Variants in SNX24 observed in about 807,000 individuals in gnomAD.
The protein encoded by SNX24 is sorting nexin-24.
SNX24 carries 22 observed loss-of-function variants against 28.7 expected under a neutral mutation model. That is an observed-to-expected ratio of 0.77 (90% CI 0.55 to 1.10). The LOEUF (loss-of-function observed/expected upper bound fraction) is 1.10. Ranked by LOEUF, SNX24 falls within the 50% of genes least tolerant of loss-of-function variation. The pLI is 0.00. For synonymous variants in SNX24, 69 were observed against 71.5 expected, an observed-to-expected ratio of 0.96 and a Z score of 0.18; for missense variants, 221 against 201.1, an observed-to-expected ratio of 1.10 and a Z score of -0.60.
In SNX24 at chr5:123,029,068, T is replaced by C. The variant is rs561638062; in HGVS notation, n.384-170T>C. 41 of 846,212 alleles carry C rather than the reference T, an allele frequency of 4.8e-5. No individual in the cohort carries two copies. In the African/African-American group the frequency reaches 6.2e-4, roughly 13 times the overall value. The allele number at this position is 846,212 out of a possible 1,614,324, so 52.4% of individuals were successfully genotyped here. ...ATATGTTATGGAAGTAGAGTATTAATGTGAATAAGTTAAAAGAGAGCAAAC... is the reference window on the plus strand; with the variant it reads ...ATATGTTATGGAAGTAGAGTATTAACGTGAATAAGTTAAAAGAGAGCAAAC... On this transcript the variant is annotated intron_variant and non_coding_transcript_variant, in intron 5 of 5. Transcript: ENST00000502387.
chr5:122,916,746 C>T (rs545396045), intron 1 of SNX24, among the ~76,000 whole-genome samples: 35 of 152,168 alleles, frequency 2.3e-4, no homozygotes, highest in Non-Finnish European at 4.1e-4. Flanking sequence ...TGACCAGAGA[C>T]TAGGTTGAAT....
At position 122,980,507 on chromosome 5, in the gene SNX24, CT is replaced by C. The variant is rs1581827461; in HGVS notation, c.250-19402del. On this transcript the variant is annotated intron_variant, in intron 3 of 6. Coordinates refer to ENST00000261369, the MANE Select transcript of SNX24 (RefSeq NM_014035.4). The stretch of plus-strand genomic sequence containing the variant: ...GAGTTTGGGGTTGAAATTTAATTTA[CT>C]TTCTTCTATAACAAAATGAAGTTGC... Among the ~76,000 whole-genome samples, 3 of 152,030 alleles carry C rather than the reference CT, an allele frequency of 2.0e-5. No individual in the cohort carries two copies. The East Asian group carries it at 5.8e-4, about 29-fold the overall frequency.
At chr5:122,891,125 G>T in intron 1 of SNX24, 2 of 1,490,164 alleles carry the variant, frequency 1.3e-6, no homozygotes, top group South Asian at 1.4e-5. Context: ...TTACATATCA[G>T]GTATTTTTGA....
In SNX24 at chr5:122,885,492, C is replaced by A. The variant is rs1394139844; in HGVS notation, c.60+39799C>A. Among the ~76,000 whole-genome samples the A allele has an allele frequency of 5.3e-5, 8 of 152,234 alleles. No individual in the cohort carries two copies. In the South Asian group the frequency reaches 1.2e-3, roughly 24 times the overall value. On this transcript the variant is annotated intron_variant, in intron 1 of 6. Coordinates refer to ENST00000261369, the MANE Select transcript of SNX24 (RefSeq NM_014035.4). ...AGAATGGTGGCTTCCTCCTTTCCCC[C>A]CTTCTAATGCCTTACTATCTGTGAC...
chr5:122,973,050 G>A (rs1467953142), intron 3 of SNX24, among the ~76,000 whole-genome samples: 1 of 152,190 alleles, frequency 6.6e-6, no homozygotes, highest in Admixed American at 6.5e-5. Flanking sequence ...TCCACAGAAC[G>A]AGTCATCCTA....
chr5:122,893,814 C>T (rs1485228774), intron 1 of SNX24, among the ~76,000 whole-genome samples: 1 of 152,096 alleles, frequency 6.6e-6, no homozygotes, highest in Non-Finnish European at 1.5e-5. Flanking sequence ...GAGGCCAAGG[C>T]GGGCGATCAC....
chr5:122,942,948 A>AT (rs1327473976), intron 2 of SNX24, among the ~76,000 whole-genome samples: 16 of 152,230 alleles, frequency 1.1e-4, no homozygotes, highest in African/African-American at 3.9e-4. Context: ...GATCTTCTAA[A>AT]TTTTTTTTAA....
At chr5:122,907,929 A>G (rs1168281298) in intron 1 of SNX24, among the ~76,000 whole-genome samples, 2 of 151,722 alleles carry the variant, frequency 1.3e-5, no homozygotes, top group African/African-American at 2.4e-5. Context: ...GGACAGCACA[A>G]TTAGATTTTG....
At chr5:123,009,668 A>G (rs1316074699), downstream of SNX24, among the ~76,000 whole-genome samples, 1 of 152,224 alleles carries the variant, frequency 6.6e-6, no homozygotes, top group African/African-American at 2.4e-5. Context: ...TTAATGTGTA[A>G]TTCTGTCAGG....
intron 1 of SNX24, among the ~76,000 whole-genome samples, chr5:122,881,037 T>C (rs556166733): frequency 3.3e-4 from 50 of 152,318 alleles, no homozygotes; most frequent in African/African-American, 1.2e-3. Flanking sequence ...CTGCTATCAG[T>C]GTGCAGTAAT....
At chr5:123,002,029 C>A in intron 6 of SNX24, 25 bp downstream of exon 6, 1 of 1,578,966 alleles carries the variant, frequency 6.3e-7, no homozygotes, top group Non-Finnish European at 8.7e-7. Context: ...CATCTGCTAA[C>A]AGCTCTTTAC....
In SNX24 at chr5:122,960,623, A is replaced by T. The variant is rs147984807; in HGVS notation, c.249+14464A>T. ...AGCCTTTTCTTTAAGTCCTGTGCAGACCCCCAAGTTCTTATTTGTTTAAAT... is the reference window on the plus strand; with the variant it reads ...AGCCTTTTCTTTAAGTCCTGTGCAGTCCCCCAAGTTCTTATTTGTTTAAAT... On this transcript the variant is annotated intron_variant, in intron 3 of 6. Coordinates refer to ENST00000261369, the MANE Select transcript of SNX24 (RefSeq NM_014035.4). Among the ~76,000 whole-genome samples the T allele has an allele frequency of 4.7e-4, 71 of 152,028 alleles. No individual in the cohort carries two copies. In the East Asian group the frequency reaches 0.013, roughly 29 times the overall value.
intron 5 of SNX24, among the ~76,000 whole-genome samples, chr5:123,020,716 T>TAA (rs1254299891): frequency 1.3e-5 from 2 of 152,106 alleles, no homozygotes; most frequent in African/African-American, 2.4e-5. Flanking sequence ...AGCGAAAAGC[T>TAA]AAGTGTGGAT....
At chr5:122,934,337 G>A (rs1355500849) in intron 1 of SNX24, among the ~76,000 whole-genome samples, 2 of 152,102 alleles carry the variant, frequency 1.3e-5, no homozygotes, top group Non-Finnish European at 2.9e-5. Context: ...ACCTGGCATG[G>A]TATTCAGGAA....
intron 1 of SNX24, among the ~76,000 whole-genome samples, chr5:122,892,500 C>T (rs987630995): frequency 1.3e-5 from 2 of 151,526 alleles, no homozygotes; most frequent in African/African-American, 2.4e-5. Context: ...AGTGCAGTGG[C>T]GTGATCCTGG....
chr5:122,869,912 C>A (rs1755897692), intron 1 of SNX24, among the ~76,000 whole-genome samples: 1 of 103,134 alleles, frequency 9.7e-6, no homozygotes, highest in Non-Finnish European at 1.9e-5. Flanking sequence ...TTTTTTTTTA[C>A]TGATGTTGTT....
rs902484823 is a variant in SNX24, at chr5:123,007,579, G to T, written c.443-103G>T. The stretch of plus-strand genomic sequence containing the variant: ...GGCGATGCAGATTCCTGTGTTTACC[G>T]TAAGCATTGCCTTGTTCCATTCTAC... On this transcript the variant is annotated intron_variant, in intron 6 of 6. Coordinates refer to ENST00000261369, the MANE Select transcript of SNX24 (RefSeq NM_014035.4). The T allele has an allele frequency of 3.9e-6, 4 of 1,032,464 alleles. No individual in the cohort carries two copies. The East Asian group carries it at 8.2e-5, about 21-fold the overall frequency. 64.0% of individuals were successfully genotyped at this position (1,032,464 alleles called of 1,614,324 possible).
At chr5:122,935,688 A>G (rs932118810) in intron 1 of SNX24, among the ~76,000 whole-genome samples, 4 of 151,190 alleles carry the variant, frequency 2.6e-5, no homozygotes, top group Non-Finnish European at 4.4e-5. Flanking sequence ...ATAGCAATCT[A>G]TTTTCATAAT....
intron 3 of SNX24, among the ~76,000 whole-genome samples, chr5:122,953,484 AGT>A (rs1760058498): frequency 6.6e-6 from 1 of 151,870 alleles, no homozygotes. Flanking sequence ...AGACATAGCC[AGT>A]GATATTTCAG....
Sources: allele counts gnomAD v4.1 joint callset (sites outside exome capture counted in the v4.1 genomes callset), GRCh38; gene constraint gnomAD v4.1.1; transcripts MANE v1.5; gene names NCBI Gene and HGNC (gene_info 2026-07-23, HGNC 2026-07-21).